Variants in DNAH6 observed in about 807,000 individuals in gnomAD.
DNAH6 encodes the protein axonemal beta dynein heavy chain 6.
In DNAH6, 340 loss-of-function variants were observed where a neutral mutation model predicts 491.4. The observed-to-expected ratio is 0.69, with a 90% CI of 0.63 to 0.76. The LOEUF is 0.76. Ranked by LOEUF, DNAH6 falls within the 30% of genes least tolerant of loss-of-function variation. The pLI is 0.00. For synonymous variants in DNAH6, 1,603 were observed against 1,686.1 expected (o/e 0.95, Z 1.21); for missense variants, 4,443 against 4,972.2 (o/e 0.89, Z 3.20).
intron 18 of DNAH6, among the ~76,000 whole-genome samples, chr2:84,603,193 G>A (rs542212113): frequency 6.6e-6 from 1 of 151,942 alleles, no homozygotes; most frequent in Non-Finnish European, 1.5e-5. Context: ...ATATAGTACA[G>A]TAAATACCAA....
Position 84,634,489 on chromosome 2 carries a change from T to C in DNAH6, c.4516-15T>C. On this transcript the variant is annotated splice_polypyrimidine_tract_variant and intron_variant, in intron 29 of 76. Coordinates refer to ENST00000389394, the MANE Select transcript of DNAH6 (RefSeq NM_001370.2). The stretch of plus-strand genomic sequence containing the variant: ...CTACACAATACAAAGTTGAACTGCT[T>C]TATTTTGATTTCAGATGATGGGGCG... The C allele has an allele frequency of 6.6e-7, 1 of 1,525,958 alleles. No homozygotes were observed. The highest frequency in any genetic ancestry group is 8.8e-7 in the Non-Finnish European group (1 of 1,137,524). The allele number at this position is 1,525,958 out of a possible 1,614,324, so 94.5% of individuals were successfully genotyped here.
rs746527807 is a variant in DNAH6, at chr2:84,699,760, T to C, written c.7818+26T>C. 1.9e-5 allele frequency: 29 copies of C among 1,545,912 alleles called. No homozygotes were observed. The South Asian group carries it at 3.3e-4, about 17-fold the overall frequency. ...GTTGGTGACATCCCAGGATATCTCT[T>C]TGAGAAGTTGGACTTGCTTGACTTT... is the stretch of plus-strand genomic sequence containing the variant. On this transcript the variant is annotated intron_variant, in intron 48 of 76. Coordinates refer to ENST00000389394, the MANE Select transcript of DNAH6 (RefSeq NM_001370.2).
In DNAH6 at chr2:84,629,073, A is replaced by G. The variant is rs149327349; in HGVS notation, c.4515+4010A>G. 9.0e-3 allele frequency among the ~76,000 whole-genome samples: 1,370 copies of G among 152,254 alleles called. 12 individuals carry two copies. The highest frequency in any genetic ancestry group is 0.031 in the African/African-American group (1,286 of 41,528). ...GGTTTTTCCACTGAGCACTTTGTCTATGAGATTCATCCAGGCTAATACTAT... is the reference window on the plus strand; with the variant it reads ...GGTTTTTCCACTGAGCACTTTGTCTGTGAGATTCATCCAGGCTAATACTAT... On this transcript the variant is annotated intron_variant, in intron 29 of 76. Coordinates refer to ENST00000389394, the MANE Select transcript of DNAH6 (RefSeq NM_001370.2).
intron 19 of DNAH6, 60 bp downstream of exon 19, chr2:84,604,611 C>A: frequency 3.8e-6 from 5 of 1,299,104 alleles, no homozygotes; most frequent in Non-Finnish European, 5.3e-6. Flanking sequence ...TTTTCAGATT[C>A]AACATTTGGT....
chr2:84,519,801 GTA>G (rs1251481062), intron 2 of DNAH6, among the ~76,000 whole-genome samples: 2 of 151,228 alleles, frequency 1.3e-5, no homozygotes, highest in African/African-American at 4.9e-5. Context: ...ATGACATCTA[GTA>G]TATGTCTTTT....
In DNAH6 at chr2:84,571,917, C is replaced by CAAAAAGAAA. The variant is rs767939511; in HGVS notation, c.1804-1537_1804-1529dup. ...TGGGTGACAGAGAGAGACTCTGTCT[C>CAAAAAGAAA]AAAAAGAAAAAAAAGAAAAAAGAAA... On this transcript the variant is annotated intron_variant, in intron 11 of 76. Transcript: ENST00000389394. 6.0e-4 allele frequency among the ~76,000 whole-genome samples: 90 copies of CAAAAAGAAA among 148,856 alleles called. 1 individual carries two copies. The highest frequency in any genetic ancestry group is 2.1e-3 in the African/African-American group (84 of 40,402).
intron 58 of DNAH6, among the ~76,000 whole-genome samples, chr2:84,717,154 T>A (rs1697616324): frequency 6.6e-6 from 1 of 152,180 alleles, no homozygotes; most frequent in African/African-American, 2.4e-5. Context: ...TTCCTTTCTA[T>A]TTCCAGAAAC....
intron 33 of DNAH6, among the ~76,000 whole-genome samples, chr2:84,643,911 T>C (rs545982403): frequency 1.3e-5 from 2 of 152,254 alleles, no homozygotes; most frequent in South Asian, 4.1e-4. Context: ...TTTTTTTGTT[T>C]TATTTTGTTT....
At chr2:84,755,269 C>T (rs947708426) in intron 63 of DNAH6, among the ~76,000 whole-genome samples, 2 of 152,212 alleles carry the variant, frequency 1.3e-5, no homozygotes, top group South Asian at 2.1e-4. Context: ...CTGTCTTGCT[C>T]TCTTGCCCTC....
At chr2:84,469,451 G>A in the DNAH6 span, among the ~76,000 whole-genome samples, 77 of 152,234 alleles carry the variant, frequency 5.1e-4, no homozygotes, top group African/African-American at 1.6e-3. This position sits in a 1 kb window ranked among gnomAD's most constrained non-coding sequence, Gnocchi z 4.0. Flanking sequence ...GATGGGCCCC[G>A]TCATCTTTAA....
intron 15 of DNAH6, among the ~76,000 whole-genome samples, chr2:84,587,574 A>C (rs116748781): frequency 6.6e-6 from 1 of 152,248 alleles, no homozygotes; most frequent in Admixed American, 6.5e-5. Flanking sequence ...CTATCTTGCT[A>C]TCAAGACCCT....
At position 84,594,087 on chromosome 2, in the gene DNAH6, T is replaced by G. The variant is rs1293497913; in HGVS notation, c.2724+2T>G. ...AAACTCCAACAAGAATGGTTAAAGG[T>G]AGGGGAAAAAAGCCTTCAGTTCTCA... On this transcript the variant is annotated splice_donor_variant, in intron 17 of 76. Transcript: ENST00000389394. LOFTEE classifies it high-confidence loss of function. The G allele has an allele frequency of 3.3e-6, 5 of 1,502,666 alleles. No individual in the cohort carries two copies. The highest frequency in any genetic ancestry group is 1.4e-5 in the African/African-American group (1 of 71,684). 93.1% of individuals were successfully genotyped at this position (1,502,666 alleles called of 1,614,324 possible).
intron 59 of DNAH6, 133 bp from the exon 60 acceptor site, chr2:84,722,492 T>TG: frequency 1.4e-6 from 1 of 705,698 alleles, no homozygotes; most frequent in African/African-American, 1.9e-5. Flanking sequence ...TCGTTCCACC[T>TG]GGGGACCCCT....
chr2:84,632,342 A>T (rs1313828453), intron 29 of DNAH6, among the ~76,000 whole-genome samples: 4 of 152,144 alleles, frequency 2.6e-5, no homozygotes, highest in African/African-American at 4.8e-5. Context: ...TCAGGGCTGG[A>T]TTTCAAACCC....
chr2:84,784,862 T>C, intron 66 of DNAH6, 52 bp downstream of exon 66: 1 of 1,277,962 alleles, frequency 7.8e-7, no homozygotes, highest in Non-Finnish European at 1.1e-6. Flanking sequence ...TTCAGAATAT[T>C]CACCTAGTGC....
chr2:84,707,068 G>T lies in DNAH6; in HGVS notation c.8851+49G>T, dbSNP rs1288604965. 18 of 1,477,484 alleles carry T rather than the reference G, an allele frequency of 1.2e-5. No homozygotes were observed. The Admixed American group carries it at 5.0e-4, about 41-fold the overall frequency. The allele number at this position is 1,477,484 out of a possible 1,614,324, so 91.5% of individuals were successfully genotyped here. On this transcript the variant is annotated intron_variant, in intron 53 of 76. Transcript: ENST00000389394. ...TTGGCCAGGAAATGCCTGATTTTCA[G>T]AAGTAGGAAGAAGTTTTTGGCAATC... is the stretch of plus-strand genomic sequence containing the variant.
intron 58 of DNAH6, among the ~76,000 whole-genome samples, chr2:84,716,356 T>C (rs1000738272): frequency 8.6e-5 from 13 of 151,340 alleles, no homozygotes; most frequent in Admixed American, 6.6e-4. Flanking sequence ...TTAATATATA[T>C]ATTTAACCAA....
At chr2:84,467,118 C>G in the DNAH6 span, among the ~76,000 whole-genome samples, 1 of 152,142 alleles carries the variant, frequency 6.6e-6, no homozygotes, top group Non-Finnish European at 1.5e-5. Context: ...ACTGAATACC[C>G]CTTTAACTTT....
intron 18 of DNAH6, 42 bp downstream of exon 18, chr2:84,595,831 G>C: frequency 6.7e-7 from 1 of 1,501,688 alleles, no homozygotes; most frequent in Non-Finnish European, 8.9e-7. Flanking sequence ...TAGGCCAGTT[G>C]GTTATTAATT....
Sources: gnomAD v4.1 joint callset for allele counts (sites outside exome capture counted in the v4.1 genomes callset) on GRCh38, gnomAD v4.1.1 for gene constraint, Gnocchi (gnomAD v3.1) non-coding constraint, MANE v1.5 for transcripts, NCBI Gene and HGNC (gene_info 2026-07-23, HGNC 2026-07-21) for gene names.